Variants in TLE1 observed in about 807,000 individuals in gnomAD.
The protein encoded by TLE1 is transducin-like enhancer protein 1.
Under a neutral mutation model 89.8 loss-of-function variants are expected in TLE1, and 21 were observed. The ratio of observed to expected loss-of-function variants is 0.23; its 90% CI spans 0.17 to 0.34. The LOEUF (loss-of-function observed/expected upper bound fraction) is 0.34, where lower values mean the gene tolerates loss of function less well. TLE1 is among the 10% of genes least tolerant of loss of function. TLE1 has a pLI of 1.00. For synonymous variants in TLE1, 447 were observed against 407.6 expected (o/e 1.10, Z -1.16); for missense variants, 795 against 1,031.2 (o/e 0.77, Z 3.14).
At chr9:81,663,276 C>CCT (rs1302027409) in intron 4 of TLE1, among the ~76,000 whole-genome samples, 4 of 152,144 alleles carry the variant, frequency 2.6e-5, no homozygotes, top group Non-Finnish European at 1.5e-5. Context: ...GGTACCCAGC[C>CCT]CTCTTACGAT....
At chr9:81,665,732 G>T (rs540587899) in intron 4 of TLE1, among the ~76,000 whole-genome samples, 5 of 152,146 alleles carry the variant, frequency 3.3e-5, no homozygotes, top group Non-Finnish European at 7.4e-5. Flanking sequence ...TTTTAATAGC[G>T]GGCTTGAGTG....
intron 2 of TLE1, among the ~76,000 whole-genome samples, 195 bp downstream of exon 2, chr9:81,687,136 GGGA>G (rs1207734628): frequency 6.6e-6 from 1 of 152,224 alleles, no homozygotes; most frequent in African/African-American, 2.4e-5. Flanking sequence ...GGGAAACAAT[GGGA>G]GGAGGAGGAG....
Position 81,687,631 on chromosome 9 carries a change from G to C in TLE1, c.25-197C>G, listed in dbSNP as rs566078541. 2.6e-5 allele frequency among the ~76,000 whole-genome samples: 4 copies of C among 152,288 alleles called. No individual in the cohort carries two copies. In the East Asian group the frequency reaches 7.8e-4, roughly 30 times the overall value. ...CTCCCCGGGCCCCGGCTTCTAAAGA[G>C]GCTCGGAAGCTCTTCCCAGTCTCCA... On this transcript the variant is annotated intron_variant, in intron 1 of 19. Transcript: ENST00000376499.
At chr9:81,623,943 G>A (rs920544698) in intron 8 of TLE1, among the ~76,000 whole-genome samples, 9 of 152,076 alleles carry the variant, frequency 5.9e-5, no homozygotes, top group Non-Finnish European at 1.2e-4. Flanking sequence ...TTAATCTGGA[G>A]GACTAGGATG....
intron 4 of TLE1, among the ~76,000 whole-genome samples, chr9:81,658,827 AG>A (rs1385740854): frequency 1.3e-5 from 2 of 152,214 alleles, no homozygotes; most frequent in Non-Finnish European, 2.9e-5. Flanking sequence ...CTTCAACAAA[AG>A]GGTATTCTGG....
At chr9:81,633,279 G>C in intron 8 of TLE1, 69 bp downstream of exon 8, 3 of 1,603,304 alleles carry the variant, frequency 1.9e-6, no homozygotes, top group Non-Finnish European at 2.6e-6. Context: ...AGTGTTGTCA[G>C]AAGGGGACCG....
chr9:81,597,265 C>T (rs948488466), intron 14 of TLE1, among the ~76,000 whole-genome samples: 1 of 151,220 alleles, frequency 6.6e-6, no homozygotes, highest in Non-Finnish European at 1.5e-5. Flanking sequence ...GTATTGTTAT[C>T]GCACCACCAC....
chr9:81,584,874 A>G (rs2131719747), intron 18 of TLE1, among the ~76,000 whole-genome samples: 1 of 152,284 alleles, frequency 6.6e-6, no homozygotes, highest in African/African-American at 2.4e-5. Flanking sequence ...TTTAATGGGA[A>G]TTAAAGGATT....
chr9:81,684,952 C>G (rs1243855721), intron 4 of TLE1, among the ~76,000 whole-genome samples: 1 of 152,200 alleles, frequency 6.6e-6, no homozygotes, highest in Non-Finnish European at 1.5e-5. Context: ...CAGCTCAATA[C>G]TCTTTTTATA....
intron 18 of TLE1, among the ~76,000 whole-genome samples, chr9:81,585,021 A>T (rs948593760): frequency 6.7e-6 from 1 of 150,296 alleles, no homozygotes; most frequent in Non-Finnish European, 1.5e-5. Flanking sequence ...CTGTGAACAG[A>T]TATCTGCCCA....
rs958344268 is a variant in TLE1 at position 81,659,057 on chromosome 9, C to T, written c.235-5021G>A. Among the ~76,000 whole-genome samples the T allele has an allele frequency of 1.1e-4, 17 of 152,060 alleles. No individual in the cohort carries two copies. In the South Asian group the frequency reaches 1.9e-3, roughly 17 times the overall value. Reference sequence around the variant, plus strand: ...GCGAGTAGCTGGGATGACAGGCACGCGCCACCACACCTGGCTAATTTTTCT... The same window carrying T: ...GCGAGTAGCTGGGATGACAGGCACGTGCCACCACACCTGGCTAATTTTTCT... On this transcript the variant is annotated intron_variant, in intron 4 of 19. Transcript: ENST00000376499.
chr9:81,602,402 C>T (rs2131952714), intron 14 of TLE1, among the ~76,000 whole-genome samples: 1 of 152,256 alleles, frequency 6.6e-6, no homozygotes, highest in South Asian at 2.1e-4. Context: ...TTTACATATA[C>T]ATAAATGAGT....
intron 4 of TLE1, among the ~76,000 whole-genome samples, chr9:81,659,071 G>A (rs1830467897): frequency 6.6e-6 from 1 of 151,978 alleles, no homozygotes. Context: ...ACCACACCTG[G>A]CTAATTTTTC....
intron 2 of TLE1, among the ~76,000 whole-genome samples, chr9:81,686,470 A>G (rs1288185481): frequency 6.6e-6 from 1 of 152,228 alleles, no homozygotes; most frequent in Non-Finnish European, 1.5e-5. Context: ...AGCTGCAGAG[A>G]TATTATCTAC....
chr9:81,651,782 G>C (rs1829572690), intron 6 of TLE1, among the ~76,000 whole-genome samples: 1 of 152,036 alleles, frequency 6.6e-6, no homozygotes, highest in African/African-American at 2.4e-5. Context: ...AGCAAGGGTG[G>C]TTTAGGTGTC....
At position 81,687,398 on chromosome 9, in the gene TLE1, T is replaced by G; in HGVS notation, c.61A>C (p.Thr21Pro). The G allele has an allele frequency of 6.2e-7, 1 of 1,611,264 alleles. No individual in the cohort carries two copies. Among genetic ancestry groups the G allele is most frequent in the Non-Finnish European group, 8.5e-7 (1 of 1,179,404 alleles). ...ATCCGGTCCAGGGACTCCGGGATAG[T>G]GAACTTGAAGGGCTGGCCTGCAGCC... ...HQAAGQPFKF[T>P]IPESLDRIKE... Residue 21 changes from threonine (T) to proline (P), a missense_variant, in exon 2 of 20, where the codon ACT (threonine) becomes CCT (proline). This residue lies in a region of TLE1 where 47 missense variants were observed against 48.5 expected (regional missense o/e 0.97). Coordinates refer to ENST00000376499, the MANE Select transcript of TLE1 (RefSeq NM_005077.5).
At chr9:81,592,967 T>A in intron 15 of TLE1, 58 bp downstream of exon 15, 1 of 1,575,582 alleles carries the variant, frequency 6.3e-7, no homozygotes, top group Non-Finnish European at 8.7e-7. Flanking sequence ...ACACAGCTAT[T>A]TCCTTATTGA....
At chr9:81,605,147 T>G (rs1272197928) in intron 14 of TLE1, among the ~76,000 whole-genome samples, 3 of 152,172 alleles carry the variant, frequency 2.0e-5, no homozygotes, top group African/African-American at 7.2e-5. Flanking sequence ...CCGTGGGTAT[T>G]TTTCAGAGAA....
chr9:81,640,287 A>T (rs1338849848), intron 6 of TLE1, among the ~76,000 whole-genome samples: 1 of 152,124 alleles, frequency 6.6e-6, no homozygotes, highest in Middle Eastern at 3.2e-3. Context: ...ATACTATTCA[A>T]CATTCAATCA....
Sources: allele counts gnomAD v4.1 joint callset (sites outside exome capture counted in the v4.1 genomes callset), GRCh38; gene constraint gnomAD v4.1.1; regional missense constraint gnomAD v4.1.1; transcripts MANE v1.5; gene names NCBI Gene and HGNC (gene_info 2026-07-23, HGNC 2026-07-21).